The following POLR3A variants were observed in gnomAD, a reference collection of about 807,000 sequenced individuals.
POLR3A encodes DNA-directed RNA polymerase III subunit RPC1.
A neutral mutation model predicts 152.8 loss-of-function variants in POLR3A; 112 were observed. The ratio of observed to expected loss-of-function variants is 0.73; its 90% CI spans 0.63 to 0.86. The LOEUF (loss-of-function observed/expected upper bound fraction) is 0.86. POLR3A is among the 40% of genes least tolerant of loss of function. POLR3A has a pLI of 0.00. For synonymous variants in POLR3A, 615 were observed against 652.1 expected (o/e 0.94, Z 0.87); for missense variants, 1,385 against 1,743.1 (o/e 0.79, Z 3.66).
chr10:78,014,025 C>A (rs1319913923), intron 10 of POLR3A, among the ~76,000 whole-genome samples: 1 of 152,108 alleles, frequency 6.6e-6, no homozygotes, highest in Non-Finnish European at 1.5e-5. Flanking sequence ...GGTGTGGTAA[C>A]ACATGCCTAT....
At chr10:78,013,427 G>A (rs1015159694) in intron 11 of POLR3A, 1 of 564,746 alleles carries the variant, frequency 1.8e-6, no homozygotes. Context: ...ATCTGTTACA[G>A]ACCCTAACTC....
rs1847503544 is a variant in POLR3A at position 78,014,792 on chromosome 10, A to G, written c.1432-1002T>C. Among the ~76,000 whole-genome samples the G allele has an allele frequency of 2.0e-5, 3 of 152,218 alleles. No individual in the cohort carries two copies. The South Asian group carries it at 6.2e-4, about 31-fold the overall frequency. On this transcript the variant is annotated intron_variant, in intron 10 of 30. Coordinates refer to ENST00000372371, the MANE Select transcript of POLR3A (RefSeq NM_007055.4). Reference sequence around the variant, plus strand: ...TACTTCCCAAAATCACAATAAAGGAAAAAGACTTAACCATTTACACAGCCT... The same window carrying G: ...TACTTCCCAAAATCACAATAAAGGAGAAAGACTTAACCATTTACACAGCCT...
In POLR3A at chr10:77,981,503, C is replaced by G. The variant is rs753089366; in HGVS notation, c.3816G>C (p.Gln1272His). The G allele has an allele frequency of 6.2e-7, 1 of 1,614,020 alleles. No homozygotes were observed. Among genetic ancestry groups the G allele is most frequent in the Admixed American group, 1.7e-5 (1 of 60,026 alleles). ...AARTTIINEIQYTMVNHGMSI... is the reference protein window; with the variant it reads ...AARTTIINEIHYTMVNHGMSI... ...TCATGCCGTGGTTCACCATGGTGTA[C>G]TGGATTTCATTGATGATCGTTGTCC... The change falls in exon 29 of 31, where the codon CAG becomes CAC. Residue 1272 changes from glutamine (Q) to histidine (H), a missense_variant. Transcript: ENST00000372371.
chr10:77,990,381 G>A (rs1046604911), intron 21 of POLR3A, among the ~76,000 whole-genome samples: 3 of 152,136 alleles, frequency 2.0e-5, no homozygotes, highest in Non-Finnish European at 4.4e-5. Context: ...AATAATTATT[G>A]GGATTCAGAA....
Position 78,029,368 on chromosome 10 carries a change from T to G in POLR3A, c.40A>C (p.Lys14Gln). The change falls in exon 1 of 31, where the codon AAA becomes CAA. Residue 14 changes from lysine (K) to glutamine (Q), a missense_variant. Transcript: ENST00000372371. ...GCCACTCTTACTCCGTCTTACATTT[T>G]CTTGGCCACATCCGTCTCCCGGAAC... The part of the protein sequence containing the change: ...EQFRETDVAK[K>Q]ISHICFGMKS... 6.2e-7 allele frequency: 1 copy of G among 1,614,176 alleles called. No individual in the cohort carries two copies. The highest frequency in any genetic ancestry group is 8.5e-7 in the Non-Finnish European group (1 of 1,180,044).
Position 77,992,043 on chromosome 10 carries a change from AC to A in POLR3A, c.2788-877del, listed in dbSNP as rs1405550307. Among the ~76,000 whole-genome samples, 6 of 152,300 alleles carry A rather than the reference AC, an allele frequency of 3.9e-5. 1 individual carries two copies. Among genetic ancestry groups the A allele is most frequent in the African/African-American group, 1.4e-4 (6 of 41,560 alleles). On this transcript the variant is annotated intron_variant, in intron 20 of 30. Coordinates refer to ENST00000372371, the MANE Select transcript of POLR3A (RefSeq NM_007055.4). ...AAGGGAAACTACTGGGTCAAAAGGG[AC>A]ACGTATTTAAAACTCAGAATGGTAT...
At position 78,000,984 on chromosome 10, in the gene POLR3A, G is replaced by A. The variant is rs1365082077; in HGVS notation, c.2470C>T (p.His824Tyr). ...ENRSLPHFEKHSKLPAAKGFV... is the reference protein window; with the variant it reads ...ENRSLPHFEKYSKLPAAKGFV... The stretch of plus-strand genomic sequence containing the variant: ...GATCTGCTACTGCTTACCTTTGAGT[G>A]TTTTTCAAAATGAGGCAAGGACCTG... The change falls in exon 18 of 31, where the codon CAC becomes TAC. Residue 824 changes from histidine to tyrosine, a missense_variant. His to Tyr is a moderately conservative substitution (Grantham distance 83, BLOSUM62 2). Around this residue, in one of 7 missense-constraint regions of POLR3A, gnomAD observed 170 missense variants for 231.2 expected, o/e 0.74. Transcript: ENST00000372371. 2.6e-6 allele frequency: 4 copies of A among 1,565,482 alleles called. No individual in the cohort carries two copies. The highest frequency in any genetic ancestry group is 3.5e-6 in the Non-Finnish European group (4 of 1,138,634).
At chr10:78,005,460 A>G (rs1847402002) in intron 15 of POLR3A, among the ~76,000 whole-genome samples, 1 of 152,246 alleles carries the variant, frequency 6.6e-6, no homozygotes, top group Non-Finnish European at 1.5e-5. Flanking sequence ...CACACAAAAA[A>G]GTATTCTCCA....
chr10:78,017,649 G>C lies in POLR3A; in HGVS notation c.1357C>G (p.His453Asp), dbSNP rs751826033. 5 of 1,613,742 alleles carry C rather than the reference G, an allele frequency of 3.1e-6. No individual in the cohort carries two copies. Among genetic ancestry groups the C allele is most frequent in the Non-Finnish European group, 4.2e-6 (5 of 1,179,744 alleles). Residue 453 changes from histidine to aspartate, a missense_variant, in exon 10 of 31, where the codon CAC becomes GAC. By Grantham distance (81) the His-to-Asp change is moderately conservative. This residue lies in a region of POLR3A where 493 missense variants were observed against 647.5 expected (regional missense o/e 0.76). Transcript: ENST00000372371. The part of the protein sequence containing the change: ...ELKYGDIVER[H>D]LIDGDVVLFN... ...AGCACCACATCTCCATCGATGAGGT[G>C]TCTCTCTACGATGTCACCATACTTG...
intron 18 of POLR3A, among the ~76,000 whole-genome samples, chr10:78,000,728 G>A (rs1199382415): frequency 2.0e-5 from 3 of 152,112 alleles, no homozygotes; most frequent in South Asian, 2.1e-4. Flanking sequence ...ATGGGGTCTC[G>A]CTATGTTGGC....
At position 78,026,201 on chromosome 10, in the gene POLR3A, G is replaced by A. The variant is rs1847633317; in HGVS notation, c.73C>T (p.Pro25Ser). The A allele has an allele frequency of 2.5e-6, 4 of 1,614,096 alleles. No homozygotes were observed. Among genetic ancestry groups the A allele is most frequent in the Non-Finnish European group, 3.4e-6 (4 of 1,180,042 alleles). Reference protein sequence around the residue: ...ISHICFGMKSPEEMRQQAHIQ... With the variant: ...ISHICFGMKSSEEMRQQAHIQ... ...TGCGCCTGCTGGCGCATCTCCTCAG[G>A]TGACTTCATTCCAAAACAGATGTGG... is the stretch of plus-strand genomic sequence containing the variant. The change falls in exon 2 of 31, where the codon CCT (proline) becomes TCT (serine). Residue 25 changes from proline (P) to serine (S), a missense_variant. Pro to Ser is a moderately conservative substitution (Grantham distance 74, BLOSUM62 -1). This residue lies in a region of POLR3A where 493 missense variants were observed against 647.5 expected (regional missense o/e 0.76). Transcript: ENST00000372371.
At chr10:78,019,528 T>C (rs1847557277) in intron 8 of POLR3A, 12 of 524,996 alleles carry the variant, frequency 2.3e-5, no homozygotes, top group Non-Finnish European at 6.9e-6. Flanking sequence ...TCCTCACTGG[T>C]AAAACGGGTA....
chr10:77,986,148 T>G lies in POLR3A; in HGVS notation c.2913A>C (p.Lys971Asn). Residue 971 changes from lysine (K) to asparagine (N), a missense_variant, in exon 22 of 31, where the codon AAA becomes AAC. Physicochemically the swap from Lys to Asn is moderately conservative, Grantham distance 94 (BLOSUM62 0). Transcript: ENST00000372371. ...TCTTCTCAGAGACCCCCTTAATGAATTTTTTTATTTCCTGAAAGATTACAC... is the reference window on the plus strand; with the variant it reads ...TCTTCTCAGAGACCCCCTTAATGAAGTTTTTTATTTCCTGAAAGATTACAC... Reference protein sequence around the residue: ...CQDSFLQEIKKFIKGVSEKIK... With the variant: ...CQDSFLQEIKNFIKGVSEKIK... The G allele has an allele frequency of 6.6e-7, 1 of 1,518,192 alleles. No individual in the cohort carries two copies. The highest frequency in any genetic ancestry group is 9.2e-7 in the Non-Finnish European group (1 of 1,092,722). 94.0% of individuals were successfully genotyped at this position (1,518,192 alleles called of 1,614,324 possible). A position where few individuals can be genotyped will look rare whatever the true frequency, so the allele number is the denominator to read the frequency against.
At chr10:78,029,298 G>C in intron 1 of POLR3A, 66 bp downstream of exon 1, 2 of 1,541,242 alleles carry the variant, frequency 1.3e-6, no homozygotes, top group Non-Finnish European at 1.8e-6. Context: ...TGCAAGACCC[G>C]GGACCGCTGA....
chr10:78,009,720 C>T (rs1204180074), intron 13 of POLR3A, 45 bp from the exon 14 acceptor site: 10 of 1,613,870 alleles, frequency 6.2e-6, no homozygotes, highest in Non-Finnish European at 7.6e-6. Context: ...TGAGCCTGGT[C>T]TCAATCCCCC....
At position 78,024,484 on chromosome 10, in the gene POLR3A, C is replaced by T. The variant is rs552654915; in HGVS notation, c.645+65G>A. 1.5e-4 allele frequency: 232 copies of T among 1,544,218 alleles called. No homozygotes were observed. The East Asian group carries it at 4.9e-3, about 33-fold the overall frequency. On this transcript the variant is annotated intron_variant, in intron 5 of 30. Coordinates refer to ENST00000372371, the MANE Select transcript of POLR3A (RefSeq NM_007055.4). ...GGGCGGAGTTGGGGGAGAGAGTGTG[C>T]ATGTGACGTGCGGAAGAGGCAGGCG...
chr10:78,007,628 G>A (rs780952159), intron 15 of POLR3A, 74 bp downstream of exon 15: 1 of 1,335,806 alleles, frequency 7.5e-7, no homozygotes, highest in Non-Finnish European at 1.1e-6. Flanking sequence ...GGCAGTAAAA[G>A]AACAAAATAA....
In POLR3A at chr10:77,984,072, G is replaced by A. The variant is rs559758103; in HGVS notation, c.3337-60C>T. On this transcript the variant is annotated intron_variant, in intron 25 of 30. Transcript: ENST00000372371. ...GCTTTCCCCTTTCCTAAGAGCACAC[G>A]ACTGCTTGCTTTTTTGAAGAGCTTG... is the stretch of plus-strand genomic sequence containing the variant. 355 of 1,357,764 alleles carry A rather than the reference G, an allele frequency of 2.6e-4. 4 individuals are homozygous for A. The South Asian group carries it at 3.6e-3, about 14-fold the overall frequency. The allele number at this position is 1,357,764 out of a possible 1,614,324, so 84.1% of individuals were successfully genotyped here. A position where few individuals can be genotyped will look rare whatever the true frequency, so the allele number is the denominator to read the frequency against.
chr10:78,007,558 CAT>C (rs1411160023), intron 15 of POLR3A, 142 bp downstream of exon 15: 9 of 709,322 alleles, frequency 1.3e-5, no homozygotes, highest in Non-Finnish European at 2.0e-5. Context: ...TAACAGCACA[CAT>C]GATTTAGCCT....
Sources: gnomAD v4.1 joint callset for allele counts (sites outside exome capture counted in the v4.1 genomes callset) on GRCh38, gnomAD v4.1.1 for gene constraint, gnomAD v4.1.1 regional missense constraint, MANE v1.5 for transcripts, NCBI Gene and HGNC (gene_info 2026-07-23, HGNC 2026-07-21) for gene names.